Variants in MS4A15 observed in about 807,000 individuals in gnomAD.
The protein encoded by MS4A15 is membrane spanning 4-domains A15, also known as membrane-spanning 4-domains subfamily A member 15.
In MS4A15, 22 loss-of-function variants were observed where a neutral mutation model predicts 20.6. The ratio of observed to expected loss-of-function variants is 1.07; its 90% CI spans 0.76 to 1.52. The LOEUF is 1.52. Ranked by LOEUF, MS4A15 falls within the 40% of genes most tolerant of loss-of-function variation. MS4A15 has a pLI of 0.00. For synonymous variants in MS4A15, 129 were observed against 129.3 expected (o/e 1.00, Z 0.02); for missense variants, 312 against 323.0 (o/e 0.97, Z 0.26).
In MS4A15 at chr11:60,775,972, C is replaced by G. The variant is rs2134736984; in HGVS notation, c.*257C>G. 1 of 355,016 alleles carries G rather than the reference C, an allele frequency of 2.8e-6. No homozygotes were observed. The highest frequency in any genetic ancestry group is 4.5e-5 in the East Asian group (1 of 22,418). 22.0% of individuals were successfully genotyped at this position (355,016 alleles called of 1,614,324 possible). A position where few individuals can be genotyped will look rare whatever the true frequency, so the allele number is the denominator to read the frequency against. On this transcript the variant is annotated 3_prime_UTR_variant, in exon 7 of 7. Transcript: ENST00000405633. ...CAGCTCCCTGAGCCCTGTCACCCTT[C>G]CAGGACACCCACCTTGTGCATCTAA...
At chr11:60,759,906 T>G (rs1853691578) in intron 1 of MS4A15, among the ~76,000 whole-genome samples, 1 of 152,056 alleles carries the variant, frequency 6.6e-6, no homozygotes, top group Non-Finnish European at 1.5e-5. Flanking sequence ...GCACCCCCCA[T>G]GCCAAGATAG....
intron 1 of MS4A15, among the ~76,000 whole-genome samples, chr11:60,761,938 A>C (rs191130622): frequency 6.6e-6 from 1 of 152,314 alleles, no homozygotes; most frequent in Admixed American, 6.5e-5. Context: ...AGTTAAATAT[A>C]ACCTATGTCA....
intron 3 of MS4A15, among the ~76,000 whole-genome samples, chr11:60,770,009 G>A (rs1183521032): frequency 6.6e-6 from 1 of 152,250 alleles, no homozygotes; most frequent in Non-Finnish European, 1.5e-5. Context: ...CTAAGCTGCA[G>A]GCCCAGAGTG....
intron 1 of MS4A15, among the ~76,000 whole-genome samples, chr11:60,757,437 C>G (rs1853622456): frequency 1.3e-5 from 2 of 152,298 alleles, no homozygotes; most frequent in South Asian, 4.1e-4. Flanking sequence ...GACCGCCCGT[C>G]TTTGCCTGAA....
At chr11:60,763,187 G>T (rs937821143) in intron 1 of MS4A15, among the ~76,000 whole-genome samples, 1 of 152,156 alleles carries the variant, frequency 6.6e-6, no homozygotes, top group Non-Finnish European at 1.5e-5. Flanking sequence ...TACATCAATG[G>T]TAATTGCTTG....
chr11:60,763,995 G>T, intron 2 of MS4A15, 37 bp downstream of exon 2: 1 of 1,562,920 alleles, frequency 6.4e-7, no homozygotes, highest in Non-Finnish European at 8.7e-7. Flanking sequence ...GAGGCAGGTA[G>T]TGAGTATCCC....
At chr11:60,771,847 G>C in intron 4 of MS4A15, 1 of 1,058,050 alleles carries the variant, frequency 9.5e-7, no homozygotes. Flanking sequence ...CCTTCTGCAG[G>C]CACTGGGAGG....
chr11:60,758,512 A>G (rs1272500217), intron 1 of MS4A15, among the ~76,000 whole-genome samples: 1 of 152,234 alleles, frequency 6.6e-6, no homozygotes. Context: ...ATGCCAAAAT[A>G]TAGGCACTAC....
At chr11:60,761,323 G>A (rs1853734136) in intron 1 of MS4A15, among the ~76,000 whole-genome samples, 2 of 152,154 alleles carry the variant, frequency 1.3e-5, no homozygotes, top group Non-Finnish European at 2.9e-5. Flanking sequence ...GTGTAAAAGG[G>A]ATGCTAAGCT....
chr11:60,759,700 T>A (rs1163072968), intron 1 of MS4A15, among the ~76,000 whole-genome samples: 1 of 152,180 alleles, frequency 6.6e-6, no homozygotes, highest in African/African-American at 2.4e-5. Context: ...GGAGGCGAGA[T>A]ATGCTGGCAG....
At chr11:60,763,632 A>T in intron 1 of MS4A15, 74 bp from the exon 2 acceptor site, 1 of 1,243,848 alleles carries the variant, frequency 8.0e-7, no homozygotes, top group Non-Finnish European at 1.1e-6. Flanking sequence ...CAAGGGAAGT[A>T]GGCACGTTGC....
At chr11:60,767,471 G>C in intron 2 of MS4A15, 62 bp from the exon 3 acceptor site, 1 of 1,413,104 alleles carries the variant, frequency 7.1e-7, no homozygotes, top group Non-Finnish European at 9.3e-7. Flanking sequence ...CGCTCTCCGC[G>C]GGGCCGGCAG....
At position 60,774,714 on chromosome 11, in the gene MS4A15, G is replaced by A. The variant is rs145028677; in HGVS notation, c.612+764G>A. Among the ~76,000 whole-genome samples the A allele has an allele frequency of 4.0e-3, 614 of 152,340 alleles. 2 individuals carry two copies. The highest frequency in any genetic ancestry group is 6.0e-3 in the Non-Finnish European group (408 of 68,030). Reference sequence around the variant, plus strand: ...ATGGAGGACAGTGATGACAGAAAGGGGCTGGAGGGAGTGTTCAAGGCAGGG... The same window carrying A: ...ATGGAGGACAGTGATGACAGAAAGGAGCTGGAGGGAGTGTTCAAGGCAGGG... On this transcript the variant is annotated intron_variant, in intron 6 of 6. Coordinates refer to ENST00000405633, the MANE Select transcript of MS4A15 (RefSeq NM_001098835.2).
At chr11:60,773,812 C>A (rs1854108016) in intron 5 of MS4A15, 25 bp from the exon 6 acceptor site, 6 of 1,601,272 alleles carry the variant, frequency 3.7e-6, no homozygotes, top group Non-Finnish European at 5.1e-6. Flanking sequence ...TCTGGGCTCA[C>A]CTTTCTGTGG....
At position 60,763,869 on chromosome 11, in the gene MS4A15, C is replaced by T. The variant is rs1853814270; in HGVS notation, c.136C>T (p.Pro46Ser). The T allele has an allele frequency of 6.2e-7, 1 of 1,612,870 alleles. No homozygotes were observed. Among genetic ancestry groups the T allele is most frequent in the Non-Finnish European group, 8.5e-7 (1 of 1,179,906 alleles). ...PPGIMQFEEP[P>S]LGAQTPRATQ... ...AGGGATTATGCAGTTTGAGGAGCCA[C>T]CGCTGGGGGCACAGACACCAAGGGC... Residue 46 changes from proline to serine, a missense_variant, in exon 2 of 7, where the codon CCG becomes TCG. Physicochemically the swap from Pro to Ser is moderately conservative, Grantham distance 74 (BLOSUM62 -1). Transcript: ENST00000405633.
chr11:60,763,868 AC>A lies in MS4A15; in HGVS notation c.137del (p.Pro46ArgfsTer22). ...PPGIMQFEEP[P>X]LGAQTPRATQ... ...CAGGGATTATGCAGTTTGAGGAGCC[AC>A]CGCTGGGGGCACAGACACCAAGGGC... On this transcript the variant is annotated frameshift_variant, in exon 2 of 7. Transcript: ENST00000405633. LOFTEE classifies it high-confidence loss of function. 6.2e-7 allele frequency: 1 copy of A among 1,612,896 alleles called. No homozygotes were observed. The highest frequency in any genetic ancestry group is 1.1e-5 in the South Asian group (1 of 91,032).
At position 60,775,879 on chromosome 11, in the gene MS4A15, T is replaced by C. The variant is rs1205853537; in HGVS notation, c.*164T>C. The stretch of plus-strand genomic sequence containing the variant: ...TGAGTGAAGTGTCCCCAGGGACATC[T>C]CTCCCACACTTTCCCCAGTGCTTTC... On this transcript the variant is annotated 3_prime_UTR_variant, in exon 7 of 7. Coordinates refer to ENST00000405633, the MANE Select transcript of MS4A15 (RefSeq NM_001098835.2). 7.1e-6 allele frequency: 4 copies of C among 565,306 alleles called. No individual in the cohort carries two copies. In the African/African-American group the frequency reaches 7.5e-5, roughly 11 times the overall value. The allele number at this position is 565,306 out of a possible 1,614,324, so 35.0% of individuals were successfully genotyped here. A position where few individuals can be genotyped will look rare whatever the true frequency, so the allele number is the denominator to read the frequency against.
At chr11:60,760,181 C>A (rs566221389) in intron 1 of MS4A15, among the ~76,000 whole-genome samples, 1 of 152,206 alleles carries the variant, frequency 6.6e-6, no homozygotes, top group South Asian at 2.1e-4. Context: ...AGGGAACGCT[C>A]GAGCTAATGC....
chr11:60,774,764 T>G (rs1590988008), intron 6 of MS4A15, among the ~76,000 whole-genome samples: 1 of 152,140 alleles, frequency 6.6e-6, no homozygotes, highest in African/African-American at 2.4e-5. Flanking sequence ...AAAGGCTGCC[T>G]CGGGCAGGCA....
Sources: allele counts gnomAD v4.1 joint callset (sites outside exome capture counted in the v4.1 genomes callset), GRCh38; gene constraint gnomAD v4.1.1; transcripts MANE v1.5; gene names NCBI Gene and HGNC (gene_info 2026-07-23, HGNC 2026-07-21).